The following CMTM4 variants were observed in gnomAD, a reference collection of about 807,000 sequenced individuals.
The protein encoded by CMTM4 is CKLF like MARVEL transmembrane domain containing 4, also known as CKLF-like MARVEL transmembrane domain-containing protein 4.
In CMTM4, 8 loss-of-function variants were observed where a neutral mutation model predicts 19.0. The observed-to-expected ratio is 0.42, with a 90% confidence interval of 0.25 to 0.76. The LOEUF (loss-of-function observed/expected upper bound fraction) is 0.76, where lower values mean the gene tolerates loss of function less well. Among genes scored for constraint, CMTM4 ranks in the 30% least tolerant of loss-of-function variants. The pLI is 0.27. For missense variants in CMTM4, 228 were observed against 290.2 expected (o/e 0.79, Z 1.56); for synonymous variants, 106 against 121.1 (o/e 0.88, Z 0.82).
chr16:66,684,200 T>A (rs1409965823), intron 1 of CMTM4, among the ~76,000 whole-genome samples: 1 of 152,052 alleles, frequency 6.6e-6, no homozygotes, highest in African/African-American at 2.4e-5. Flanking sequence ...TGAGACAGAA[T>A]CTCCCTCTGT....
intron 1 of CMTM4, among the ~76,000 whole-genome samples, chr16:66,674,387 C>A (rs1255308656): frequency 1.3e-5 from 2 of 152,132 alleles, no homozygotes. Context: ...GAGACAGGGA[C>A]GGACATGGCC....
intron 3 of CMTM4, 61 bp downstream of exon 3, chr16:66,623,342 CA>C: frequency 8.2e-7 from 1 of 1,217,070 alleles, no homozygotes; most frequent in Non-Finnish European, 1.2e-6. Flanking sequence ...ATGCCAGGGA[CA>C]GGCGAGCAGG....
At position 66,626,377 on chromosome 16, in the gene CMTM4, G is replaced by C. The variant is rs569107516; in HGVS notation, c.364-2875C>G. On this transcript the variant is annotated intron_variant, in intron 2 of 3. Transcript: ENST00000394106. ...CCAGCACTTTGGGAGGCCAAGGTGA[G>C]TGGACAGCCTGAGCTCAGGAGCTCA... Among the ~76,000 whole-genome samples, 6 of 152,326 alleles carry C rather than the reference G, an allele frequency of 3.9e-5. No individual in the cohort carries two copies. The South Asian group carries it at 6.2e-4, about 16-fold the overall frequency.
chr16:66,598,249 G>A, the CMTM4 span, among the ~76,000 whole-genome samples: 1 of 152,182 alleles, frequency 6.6e-6, no homozygotes, highest in Admixed American at 6.5e-5. Context: ...GTCATCCTAT[G>A]TGACAGGCTC....
chr16:66,627,796 GAAGT>G (rs1290508240), intron 2 of CMTM4, among the ~76,000 whole-genome samples: 1 of 152,326 alleles, frequency 6.6e-6, no homozygotes, highest in East Asian at 1.9e-4. Context: ...ACTGAGAAAA[GAAGT>G]AAGACACAGA....
intron 1 of CMTM4, among the ~76,000 whole-genome samples, chr16:66,637,388 T>C (rs1214960161): frequency 1.3e-5 from 2 of 151,868 alleles, no homozygotes; most frequent in Non-Finnish European, 2.9e-5. Context: ...CTACTAAAAA[T>C]ACAAAATCAG....
chr16:66,631,202 G>C (rs1027577365), intron 2 of CMTM4, among the ~76,000 whole-genome samples: 108 of 148,052 alleles, frequency 7.3e-4, no homozygotes, highest in South Asian at 3.2e-3. Flanking sequence ...CGCCCTGTCC[G>C]GGAGGGAGGT....
intron 1 of CMTM4, among the ~76,000 whole-genome samples, chr16:66,682,192 A>T (rs2016927931): frequency 6.6e-6 from 1 of 152,176 alleles, no homozygotes; most frequent in African/African-American, 2.4e-5. Context: ...GGATTTTTTA[A>T]AAAGGGGTGA....
Position 66,617,313 on chromosome 16 carries a change from T to G in CMTM4, c.*4745A>C, listed in dbSNP as rs1282229494. ...GCCAGTGATTCAAACTCAGCAGGTTTGTGGGTGATTTTTTCCTTACTGTTA... is the reference window on the plus strand; with the variant it reads ...GCCAGTGATTCAAACTCAGCAGGTTGGTGGGTGATTTTTTCCTTACTGTTA... On this transcript the variant is annotated 3_prime_UTR_variant, in exon 4 of 4. Coordinates refer to ENST00000394106, the MANE Select transcript of CMTM4 (RefSeq NM_181521.3). 1.2e-6 allele frequency: 2 copies of G among 1,614,052 alleles called. No homozygotes were observed. The highest frequency in any genetic ancestry group is 1.7e-6 in the Non-Finnish European group (2 of 1,180,034).
chr16:66,683,167 A>ATATATG (rs2016958296), intron 1 of CMTM4, among the ~76,000 whole-genome samples: 1 of 84,434 alleles, frequency 1.2e-5, no homozygotes, highest in African/African-American at 3.8e-5. Flanking sequence ...ATACGTATAT[A>ATATATG]TATATATACA....
chr16:66,675,797 C>A (rs1202631019), intron 1 of CMTM4, among the ~76,000 whole-genome samples: 1 of 152,210 alleles, frequency 6.6e-6, no homozygotes, highest in Admixed American at 6.5e-5. Flanking sequence ...AAATTATTTA[C>A]ACACGACAAG....
At chr16:66,665,253 CCT>C (rs1398489451) in intron 1 of CMTM4, among the ~76,000 whole-genome samples, 1 of 123,460 alleles carries the variant, frequency 8.1e-6, no homozygotes, top group African/African-American at 3.1e-5. Flanking sequence ...TGGCCAAGAC[CCT>C]GTTTCTTAAA....
At chr16:66,636,958 T>C (rs1052780994) in intron 1 of CMTM4, among the ~76,000 whole-genome samples, 1 of 152,200 alleles carries the variant, frequency 6.6e-6, no homozygotes, top group African/African-American at 2.4e-5. Context: ...TGTGTGTTTC[T>C]AATTCATGGT....
intron 1 of CMTM4, among the ~76,000 whole-genome samples, chr16:66,645,556 G>A (rs1382288077): frequency 1.3e-5 from 2 of 152,030 alleles, no homozygotes; most frequent in African/African-American, 2.4e-5. Context: ...CAGCCTGGGC[G>A]ACAGAGACTC....
intron 1 of CMTM4, among the ~76,000 whole-genome samples, chr16:66,646,527 T>A (rs1596928205): frequency 6.6e-6 from 1 of 152,098 alleles, no homozygotes; most frequent in African/African-American, 2.4e-5. Context: ...TGTGGATAGG[T>A]TTATTTTCAT....
chr16:66,652,044 G>A (rs560975303), intron 1 of CMTM4, among the ~76,000 whole-genome samples: 4 of 152,266 alleles, frequency 2.6e-5, no homozygotes, highest in Non-Finnish European at 4.4e-5. Flanking sequence ...GCTCTGGAAG[G>A]GCAGAGATGG....
chr16:66,656,210 A>C (rs951883510), intron 1 of CMTM4, among the ~76,000 whole-genome samples: 2 of 152,182 alleles, frequency 1.3e-5, no homozygotes, highest in African/African-American at 2.4e-5. Flanking sequence ...AGGGAGAAGG[A>C]AAAACTCTTT....
At position 66,636,386 on chromosome 16, in the gene CMTM4, A is replaced by G; in HGVS notation, c.363+19T>C. The stretch of plus-strand genomic sequence containing the variant: ...AGGCACGTGATCCTTTCATGGCCAG[A>G]GTGGCCGCTTGTACTCACTGTCAGA... On this transcript the variant is annotated intron_variant, in intron 2 of 3. Coordinates refer to ENST00000394106, the MANE Select transcript of CMTM4 (RefSeq NM_181521.3). 6.2e-7 allele frequency: 1 copy of G among 1,606,160 alleles called. No individual in the cohort carries two copies. Among genetic ancestry groups the G allele is most frequent in the East Asian group, 2.2e-5 (1 of 44,708 alleles).
At chr16:66,692,343 G>T (rs911060763) in intron 1 of CMTM4, among the ~76,000 whole-genome samples, 8 of 152,170 alleles carry the variant, frequency 5.3e-5, no homozygotes, top group African/African-American at 1.9e-4. Flanking sequence ...AGCCACCTCG[G>T]ACTCCCAAAG....
Sources: gnomAD v4.1 joint callset for allele counts (sites outside exome capture counted in the v4.1 genomes callset) on GRCh38, gnomAD v4.1.1 for gene constraint, MANE v1.5 for transcripts, NCBI Gene and HGNC (gene_info 2026-07-23, HGNC 2026-07-21) for gene names.